The following ESYT2 variants were observed in gnomAD, a reference collection of about 807,000 sequenced individuals.
The protein encoded by ESYT2 is extended synaptotagmin-2.
ESYT2 carries 54 observed loss-of-function variants against 107.2 expected under a neutral mutation model. The ratio of observed to expected loss-of-function variants is 0.50; its 90% confidence interval spans 0.40 to 0.63. ESYT2 has a LOEUF of 0.63. Among genes scored for constraint, ESYT2 ranks in the 30% least tolerant of loss-of-function variants. The pLI is 0.00. For missense variants in ESYT2, 1,020 were observed against 1,094.5 expected, an observed-to-expected ratio of 0.93 and a Z score of 0.96; for synonymous variants, 491 against 434.1, an observed-to-expected ratio of 1.13 and a Z score of -1.63.
Position 158,829,446 on chromosome 7 carries a change from G to T in ESYT2, c.-28C>A. The T allele has an allele frequency of 8.4e-7, 1 of 1,189,510 alleles. No homozygotes were observed. Among genetic ancestry groups the T allele is most frequent in the Non-Finnish European group, 1.0e-6 (1 of 962,966 alleles). 73.7% of individuals were successfully genotyped at this position (1,189,510 alleles called of 1,614,324 possible). A position where few individuals can be genotyped will look rare whatever the true frequency, so the allele number is the denominator to read the frequency against. On this transcript the variant is annotated 5_prime_UTR_variant, in exon 1 of 23. Coordinates refer to ENST00000275418, the MANE Select transcript of ESYT2 (RefSeq NM_001367773.1). ...CCCCGCAGTGCCGCGCTGCCCTCCC[G>T]GCCGAGGCGGGCTGGGTGCTCGCGC...
chr7:158,788,372 A>T lies in ESYT2; in HGVS notation c.630T>A (p.Phe210Leu). The part of the protein sequence containing the change: ...CEIDLEIKRY[F>L]CRAGVKSIQI... ...GGATACTTTTCACACCAGCTCTACA[A>T]AAATATCGTTTGATCTCCAAATCAA... Residue 210 changes from phenylalanine (F) to leucine (L), a missense_variant, in exon 5 of 23, where the codon TTT (phenylalanine) becomes TTA (leucine). Coordinates refer to ENST00000275418, the MANE Select transcript of ESYT2 (RefSeq NM_001367773.1). 6.2e-7 allele frequency: 1 copy of T among 1,611,568 alleles called. No homozygotes were observed. The highest frequency in any genetic ancestry group is 1.1e-5 in the South Asian group (1 of 89,958).
intron 19 of ESYT2, 82 bp downstream of exon 19, chr7:158,738,941 C>T (rs1490232013): frequency 2.3e-6 from 3 of 1,332,110 alleles, no homozygotes; most frequent in Admixed American, 1.9e-5. Flanking sequence ...GTTTGGAAAT[C>T]CTAAAGGCGG....
At chr7:158,763,207 T>C (rs1256578752) in intron 9 of ESYT2, 42 bp from the exon 10 acceptor site, 1 of 1,454,508 alleles carries the variant, frequency 6.9e-7, no homozygotes, top group South Asian at 1.2e-5. Context: ...TTTTTACTAA[T>C]ATAGTCATAC....
In ESYT2 at chr7:158,781,001, CTAA is replaced by C. The variant is rs59952657; in HGVS notation, c.747+7000_747+7002del. Among the ~76,000 whole-genome samples, 1,325 of 152,112 alleles carry C rather than the reference CTAA, an allele frequency of 8.7e-3. 12 individuals are homozygous for C. Among genetic ancestry groups the C allele is most frequent in the Non-Finnish European group, 0.012 (795 of 67,972 alleles). On this transcript the variant is annotated intron_variant, in intron 6 of 22. Coordinates refer to ENST00000275418, the MANE Select transcript of ESYT2 (RefSeq NM_001367773.1). ...CTATGTGAGAAAGAGGGACAGAGAA[CTAA>C]TGTGAGAATGAGCGTGAGAAAGAAA...
Position 158,760,289 on chromosome 7 carries a change from C to A in ESYT2, c.1234-142G>T. ...TCAGTAACGCGAAGGCTGAGCCTCA[C>A]CATATCCAGCTCTACGCTATGTGGA... is the stretch of plus-strand genomic sequence containing the variant. On this transcript the variant is annotated intron_variant, in intron 11 of 22. Transcript: ENST00000275418. 7.1e-6 allele frequency: 5 copies of A among 702,524 alleles called. No homozygotes were observed. In the South Asian group the frequency reaches 8.8e-5, roughly 12 times the overall value. The allele number at this position is 702,524 out of a possible 1,614,324, so 43.5% of individuals were successfully genotyped here.
chr7:158,732,305 G>C lies in ESYT2; in HGVS notation c.*1902C>G, dbSNP rs1836778772. 6.6e-6 allele frequency: 1 copy of C among 152,134 alleles called. No homozygotes were observed. The highest frequency in any genetic ancestry group is 1.9e-4 in the East Asian group (1 of 5,194). The allele number at this position is 152,134 out of a possible 1,614,324, so 9.4% of individuals were successfully genotyped here. ...ATCTAATACTAAGGGAAAGCAACTA[G>C]ATTTAATGTTGTTACCTGTCTTCCA... On this transcript the variant is annotated 3_prime_UTR_variant, in exon 23 of 23. Coordinates refer to ENST00000275418, the MANE Select transcript of ESYT2 (RefSeq NM_001367773.1).
intron 6 of ESYT2, among the ~76,000 whole-genome samples, chr7:158,782,433 T>A (rs1392324368): frequency 2.0e-5 from 3 of 147,264 alleles, no homozygotes; most frequent in Admixed American, 6.7e-5. Context: ...CAAAGTGAGG[T>A]GTGAGTGTAA....
chr7:158,761,467 A>G, intron 11 of ESYT2, 29 bp downstream of exon 11: 1 of 1,612,118 alleles, frequency 6.2e-7, no homozygotes, highest in Non-Finnish European at 8.5e-7. Context: ...CAACAATTGT[A>G]AACAGACCCA....
chr7:158,737,359 A>T (rs1287668445), intron 19 of ESYT2, among the ~76,000 whole-genome samples, 180 bp from the exon 20 acceptor site: 1 of 152,132 alleles, frequency 6.6e-6, no homozygotes, highest in African/African-American at 2.4e-5. Context: ...GGCATCTCCC[A>T]AACTCCTTTC....
At chr7:158,754,418 G>T (rs571670659) in intron 13 of ESYT2, among the ~76,000 whole-genome samples, 3 of 151,808 alleles carry the variant, frequency 2.0e-5, no homozygotes, top group African/African-American at 7.3e-5. Context: ...TCACCATGTT[G>T]GCCAGGATGG....
chr7:158,799,704 A>G (rs1326634497), intron 1 of ESYT2, among the ~76,000 whole-genome samples: 2 of 152,220 alleles, frequency 1.3e-5, no homozygotes, highest in Non-Finnish European at 2.9e-5. Flanking sequence ...GGCCCAAACC[A>G]GCTAAGAGAC....
intron 1 of ESYT2, among the ~76,000 whole-genome samples, chr7:158,810,488 C>T (rs1839963382): frequency 6.6e-6 from 1 of 152,204 alleles, no homozygotes; most frequent in South Asian, 2.1e-4. Flanking sequence ...AAGTTCAAGA[C>T]CAGCCCAACA....
At chr7:158,783,773 G>A (rs1839011127) in intron 6 of ESYT2, among the ~76,000 whole-genome samples, 1 of 152,242 alleles carries the variant, frequency 6.6e-6, no homozygotes, top group Non-Finnish European at 1.5e-5. Context: ...GGTGGCACCT[G>A]CATCCCCGGT....
intron 16 of ESYT2, among the ~76,000 whole-genome samples, chr7:158,744,584 A>G (rs1426797419): frequency 2.0e-5 from 3 of 152,212 alleles, no homozygotes; most frequent in Non-Finnish European, 4.4e-5. Context: ...GGCTGTTCTC[A>G]AACTCTTGGC....
intron 1 of ESYT2, among the ~76,000 whole-genome samples, chr7:158,808,048 T>C (rs377408675): frequency 6.6e-6 from 1 of 152,166 alleles, no homozygotes. Flanking sequence ...TTCCTTTTTT[T>C]ATTAGAAATA....
chr7:158,807,254 G>GAAAAAAA (rs372309924), intron 1 of ESYT2, among the ~76,000 whole-genome samples: 11 of 117,134 alleles, frequency 9.4e-5, no homozygotes, highest in Admixed American at 2.0e-4. Flanking sequence ...CCGTCTGAAG[G>GAAAAAAA]AAAAAAAAAA....
At chr7:158,769,394 C>T (rs2129472418) in intron 7 of ESYT2, among the ~76,000 whole-genome samples, 1 of 152,354 alleles carries the variant, frequency 6.6e-6, no homozygotes, top group South Asian at 2.1e-4. Flanking sequence ...TCGGAGGCCA[C>T]AGCAGCTCTG....
chr7:158,799,284 A>C (rs1195534032), intron 1 of ESYT2, among the ~76,000 whole-genome samples: 1 of 152,264 alleles, frequency 6.6e-6, no homozygotes, highest in Non-Finnish European at 1.5e-5. Context: ...CACAATGAGC[A>C]AAAAAGTTGT....
chr7:158,793,539 C>T (rs1336321348), intron 4 of ESYT2, 111 bp downstream of exon 4: 6 of 759,572 alleles, frequency 7.9e-6, no homozygotes, highest in South Asian at 1.7e-5. Context: ...AGTCGAATTC[C>T]AATCAACAGC....
Sources: gnomAD v4.1 joint callset for allele counts (sites outside exome capture counted in the v4.1 genomes callset) on GRCh38, gnomAD v4.1.1 for gene constraint, MANE v1.5 for transcripts, NCBI Gene and HGNC (gene_info 2026-07-23, HGNC 2026-07-21) for gene names.